The following MYH9 variants were observed in gnomAD, a reference collection of about 807,000 sequenced individuals.
MYH9 encodes myosin-9.
A neutral mutation model predicts 241.9 loss-of-function variants in MYH9; 29 were observed. The ratio of observed to expected loss-of-function variants is 0.12; its 90% confidence interval spans 0.09 to 0.16. The LOEUF (loss-of-function observed/expected upper bound fraction) is 0.16. Among genes scored for constraint, MYH9 ranks in the 10% least tolerant of loss-of-function variants. MYH9 has a pLI of 1.00. For synonymous variants in MYH9, 1,047 were observed against 1,062.6 expected, an observed-to-expected ratio of 0.99 and a Z score of 0.29; for missense variants, 1,803 against 2,595.5, an observed-to-expected ratio of 0.69 and a Z score of 6.63.
chr22:36,386,597 G>A (rs944927838), intron 1 of MYH9, among the ~76,000 whole-genome samples: 1 of 152,196 alleles, frequency 6.6e-6, no homozygotes, highest in Admixed American at 6.5e-5. Context: ...GAACCGAGAA[G>A]TGGCTGGGCC....
chr22:36,328,210 CG>C (rs1406993474), intron 3 of MYH9, among the ~76,000 whole-genome samples: 1 of 152,176 alleles, frequency 6.6e-6, no homozygotes, highest in Non-Finnish European at 1.5e-5. Flanking sequence ...GTTCTCTAGC[CG>C]GGTGTCAGGA....
Position 36,329,785 on chromosome 22 carries a change from A to C in MYH9, c.491-2297T>G, listed in dbSNP as rs1156677149. ...TGCACACAGAGGCGCACGCACGCACAAGGGCATGGACACACACATAGACAC... is the reference window on the plus strand; with the variant it reads ...TGCACACAGAGGCGCACGCACGCACCAGGGCATGGACACACACATAGACAC... On this transcript the variant is annotated intron_variant, in intron 3 of 40. Coordinates refer to ENST00000216181, the MANE Select transcript of MYH9 (RefSeq NM_002473.6). The surrounding 1 kb of genome is among the most constrained non-coding windows in gnomAD (Gnocchi z 4.1). 6.6e-6 allele frequency among the ~76,000 whole-genome samples: 1 copy of C among 152,204 alleles called. No individual in the cohort carries two copies. Among genetic ancestry groups the C allele is most frequent in the African/African-American group, 2.4e-5 (1 of 41,456 alleles).
chr22:36,307,381 C>G (rs1372393929), intron 15 of MYH9, among the ~76,000 whole-genome samples: 2 of 152,182 alleles, frequency 1.3e-5, no homozygotes, highest in African/African-American at 4.8e-5. Context: ...ACAAGCCAAA[C>G]CAAAGTGGCC....
At chr22:36,366,044 C>T (rs1218600349) in intron 1 of MYH9, among the ~76,000 whole-genome samples, 1 of 151,996 alleles carries the variant, frequency 6.6e-6, no homozygotes, top group Non-Finnish European at 1.5e-5. Context: ...AAAAATTAGC[C>T]AGGCACGGTG....
intron 34 of MYH9, 54 bp from the exon 35 acceptor site, chr22:36,286,900 C>A (rs774010391): frequency 1.4e-5 from 23 of 1,599,944 alleles, no homozygotes; most frequent in Non-Finnish European, 1.9e-5. Context: ...CCCTCCACCC[C>A]AACCCTCATG....
intron 5 of MYH9, among the ~76,000 whole-genome samples, chr22:36,324,046 G>C (rs2017297438): frequency 6.6e-6 from 1 of 152,248 alleles, no homozygotes; most frequent in Admixed American, 6.5e-5. Context: ...GCACAGGCCA[G>C]GCTGCCAGGC....
In MYH9 at chr22:36,291,881, C is replaced by T. The variant is rs909434956; in HGVS notation, c.4344+105G>A. The T allele has an allele frequency of 1.1e-5, 17 of 1,566,566 alleles. No individual in the cohort carries two copies. In the East Asian group the frequency reaches 1.8e-4, roughly 17 times the overall value. ...GCACTGGCCCCGCACGGCCCCTCCC[C>T]GGCGAGACCCTGAGGGAGCCCAGGC... is the stretch of plus-strand genomic sequence containing the variant. On this transcript the variant is annotated intron_variant, in intron 31 of 40. Transcript: ENST00000216181.
At chr22:36,333,604 G>C (rs1023852527) in intron 3 of MYH9, among the ~76,000 whole-genome samples, 1 of 152,224 alleles carries the variant, frequency 6.6e-6, no homozygotes, top group Non-Finnish European at 1.5e-5. Context: ...TTTGACAGAA[G>C]CCACGTGCAG....
chr22:36,309,055 A>G (rs900518204), intron 15 of MYH9, among the ~76,000 whole-genome samples: 1 of 152,196 alleles, frequency 6.6e-6, no homozygotes, highest in Non-Finnish European at 1.5e-5. Flanking sequence ...ACACACGGAA[A>G]GCGCTCCGCC....
At chr22:36,354,048 G>C (rs1301922601) in intron 1 of MYH9, among the ~76,000 whole-genome samples, 1 of 151,952 alleles carries the variant, frequency 6.6e-6, no homozygotes, top group African/African-American at 2.4e-5. Context: ...CTACAGGCGT[G>C]TGCCACCACG....
chr22:36,309,141 A>G, intron 15 of MYH9, 141 bp downstream of exon 15: 1 of 780,582 alleles, frequency 1.3e-6, no homozygotes. Context: ...CTCTCATGGG[A>G]GCTACAGAGG....
Position 36,320,870 on chromosome 22 carries a change from G to A in MYH9, c.796C>T (p.Arg266Cys), listed in dbSNP as rs1208877771. 4 of 1,613,896 alleles carry A rather than the reference G, an allele frequency of 2.5e-6. No homozygotes were observed. In the African/African-American group the frequency reaches 4.0e-5, roughly 16 times the overall value. Residue 266 changes from arginine to cysteine, a missense_variant, in exon 8 of 41, where the codon CGC (arginine) becomes TGC (cysteine). Arg to Cys is a radical substitution (Grantham distance 180). Around this residue, in one of 11 missense-constraint regions of MYH9, gnomAD observed 222 missense variants for 359.9 expected, o/e 0.62. Transcript: ENST00000216181. The surrounding 1 kb of genome is among the most constrained non-coding windows in gnomAD (Gnocchi z 4.8). ...AAGGTCCGTTCTTCCTTGGCTTGGCGGATAGCACGAGATTTCTCCAAAAGA... is the reference window on the plus strand; with the variant it reads ...AAGGTCCGTTCTTCCTTGGCTTGGCAGATAGCACGAGATTTCTCCAAAAGA... The part of the protein sequence containing the change: ...TYLLEKSRAI[R>C]QAKEERTFHI...
chr22:36,305,624 T>C lies in MYH9; in HGVS notation c.2159+306A>G, dbSNP rs539454982. On this transcript the variant is annotated intron_variant, in intron 17 of 40. Coordinates refer to ENST00000216181, the MANE Select transcript of MYH9 (RefSeq NM_002473.6). The surrounding 1 kb of genome is among the most constrained non-coding windows in gnomAD (Gnocchi z 4.7). ...GTAATATCCTAGGTCTCTGGCTGATTCTTTTACATTTCTTTTCATAGCTCC... is the reference window on the plus strand; with the variant it reads ...GTAATATCCTAGGTCTCTGGCTGATCCTTTTACATTTCTTTTCATAGCTCC... Among the ~76,000 whole-genome samples, 1 of 152,226 alleles carries C rather than the reference T, an allele frequency of 6.6e-6. No homozygotes were observed. The highest frequency in any genetic ancestry group is 1.5e-5 in the Non-Finnish European group (1 of 68,044).
intron 3 of MYH9, among the ~76,000 whole-genome samples, chr22:36,335,595 G>A (rs1232662712): frequency 6.6e-6 from 1 of 152,242 alleles, no homozygotes; most frequent in Non-Finnish European, 1.5e-5. Context: ...GAAAGACATT[G>A]GAAAGCAGAC....
Position 36,299,005 on chromosome 22 carries a change from G to A in MYH9, c.3014C>T (p.Thr1005Ile). Residue 1005 changes from threonine to isoleucine, a missense_variant, in exon 24 of 41, where the codon ACC (threonine) becomes ATC (isoleucine). This residue lies in a region of MYH9 where 290 missense variants were observed against 360.5 expected (regional missense o/e 0.80). Transcript: ENST00000216181. ...KLLEDRIAEF[T>I]TNLTEEEEKS... Reference sequence around the variant, plus strand: ...CTCCTCCTCTTCTGTGAGGTTGGTGGTGAACTCAGCTATTCTGTCTTCCAG... The same window carrying A: ...CTCCTCCTCTTCTGTGAGGTTGGTGATGAACTCAGCTATTCTGTCTTCCAG... The A allele has an allele frequency of 6.2e-7, 1 of 1,614,156 alleles. No homozygotes were observed. The highest frequency in any genetic ancestry group is 8.5e-7 in the Non-Finnish European group (1 of 1,180,008).
chr22:36,354,091 G>C (rs1009852089), intron 1 of MYH9, among the ~76,000 whole-genome samples: 1 of 151,966 alleles, frequency 6.6e-6, no homozygotes, highest in Non-Finnish European at 1.5e-5. Flanking sequence ...TAGTAGAGAC[G>C]GGGTTTCACC....
chr22:36,375,518 T>C (rs2018152820), intron 1 of MYH9, among the ~76,000 whole-genome samples: 1 of 152,116 alleles, frequency 6.6e-6, no homozygotes, highest in Non-Finnish European at 1.5e-5. Context: ...CTGGTGAGGG[T>C]GGAGGCCTCA....
In MYH9 at chr22:36,305,093, G is replaced by A. The variant is rs750191181; in HGVS notation, c.2169C>T (p.Ile723=). The stretch of plus-strand genomic sequence containing the variant: ...CCTTGGGAATGGAGTTTGGAGTCAG[G>A]ATCTCATATCTGAGGAAGGAAAGAG... ...VFQEFRQRYE[I]LTPNSIPKGF... The change falls in exon 18 of 41, where the codon ATC becomes ATT. Residue 723 remains isoleucine, a synonymous_variant. Transcript: ENST00000216181. The surrounding 1 kb of genome is among the most constrained non-coding windows in gnomAD (Gnocchi z 4.7). The A allele has an allele frequency of 1.2e-6, 2 of 1,613,820 alleles. No homozygotes were observed. The highest frequency in any genetic ancestry group is 2.2e-5 in the South Asian group (2 of 91,062).
At chr22:36,351,712 G>A (rs971229131) in intron 1 of MYH9, among the ~76,000 whole-genome samples, 15 of 151,864 alleles carry the variant, frequency 9.9e-5, no homozygotes, top group Non-Finnish European at 1.8e-4. Flanking sequence ...CAGAACACAG[G>A]TCTCAGGCTG....
Sources: allele counts gnomAD v4.1 joint callset (sites outside exome capture counted in the v4.1 genomes callset), GRCh38; gene constraint gnomAD v4.1.1; regional missense constraint gnomAD v4.1.1; non-coding constraint Gnocchi (gnomAD v3.1); transcripts MANE v1.5; gene names NCBI Gene and HGNC (gene_info 2026-07-23, HGNC 2026-07-21).